ST8SIA6: variants seen among roughly 807,000 people sequenced by gnomAD.
ST8SIA6 encodes alpha-2,8-sialyltransferase 8F.
In ST8SIA6, 39 loss-of-function variants were observed where a neutral mutation model predicts 33.6. That is an observed-to-expected ratio of 1.16 (90% confidence interval 0.90 to 1.52). The LOEUF is 1.52. Ranked by LOEUF, ST8SIA6 falls within the 40% of genes most tolerant of loss-of-function variation. The probability of loss-of-function intolerance (pLI) is 0.00; values close to 1 mark genes in which losing one functional copy is unlikely to be tolerated. For missense variants in ST8SIA6, 441 were observed against 443.8 expected (o/e 0.99, Z 0.06); for synonymous variants, 172 against 167.2 (o/e 1.03, Z -0.22).
In ST8SIA6 at chr10:17,431,454, A is replaced by AG. The variant is rs45551632; in HGVS notation, c.200+22104dup. Among the ~76,000 whole-genome samples the AG allele has an allele frequency of 8.0e-3, 1,213 of 151,956 alleles. 10 individuals carry two copies. The highest frequency in any genetic ancestry group is 0.028 in the African/African-American group (1,150 of 41,424). ...TTTAGTGAATAAAAGTTTCGTTTTA[A>AG]GGGGGGGGAAAGGGTGTGACTGTAA... On this transcript the variant is annotated intron_variant, in intron 2 of 7. Transcript: ENST00000377602.
At chr10:17,356,181 A>AT (rs1057297320) in intron 4 of ST8SIA6, among the ~76,000 whole-genome samples, 13 of 151,186 alleles carry the variant, frequency 8.6e-5, no homozygotes, top group Non-Finnish European at 1.3e-4. Context: ...TTTCTTTAAT[A>AT]TTTTTTTTTG....
chr10:17,390,493 G>T, intron 3 of ST8SIA6, 38 bp downstream of exon 3: 1 of 1,514,816 alleles, frequency 6.6e-7, no homozygotes, highest in Non-Finnish European at 9.1e-7. Context: ...TAAAACCCTT[G>T]TTGTAAAAGG....
intron 6 of ST8SIA6, among the ~76,000 whole-genome samples, chr10:17,324,903 TATATATAATATGTA>T (rs1848074656): frequency 6.8e-6 from 1 of 146,182 alleles, no homozygotes; most frequent in Non-Finnish European, 1.5e-5. Flanking sequence ...ATATAACATG[TATATATAATATGTA>T]ATATATAATA....
At chr10:17,331,622 G>T in intron 4 of ST8SIA6, 70 bp from the exon 5 acceptor site, 2 of 1,445,712 alleles carry the variant, frequency 1.4e-6, no homozygotes, top group Non-Finnish European at 1.8e-6. Flanking sequence ...GACCACGATG[G>T]ACAATGCCGA....
intron 2 of ST8SIA6, among the ~76,000 whole-genome samples, chr10:17,428,665 G>A (rs2071573819): frequency 6.6e-6 from 1 of 151,948 alleles, no homozygotes; most frequent in Non-Finnish European, 1.5e-5. Context: ...AGAAGGAACA[G>A]CAAGTAAAAG....
intron 4 of ST8SIA6, among the ~76,000 whole-genome samples, chr10:17,332,894 A>G (rs1376697831): frequency 6.6e-6 from 1 of 151,860 alleles, no homozygotes; most frequent in Non-Finnish European, 1.5e-5. Context: ...TCCTTTGTCC[A>G]CTTTTTGGTG....
chr10:17,357,318 A>G (rs1352886659), intron 4 of ST8SIA6, among the ~76,000 whole-genome samples: 1 of 133,752 alleles, frequency 7.5e-6, no homozygotes, highest in Non-Finnish European at 1.6e-5. Context: ...TTGTATTTTT[A>G]GTAGAGACGG....
intron 2 of ST8SIA6, among the ~76,000 whole-genome samples, chr10:17,426,038 G>T (rs1342629781): frequency 1.4e-5 from 2 of 147,656 alleles, no homozygotes; most frequent in African/African-American, 5.2e-5. Context: ...GGGTTCAGTT[G>T]CCTGCCACCC....
At chr10:17,428,083 T>C (rs992682592) in intron 2 of ST8SIA6, among the ~76,000 whole-genome samples, 4 of 152,234 alleles carry the variant, frequency 2.6e-5, no homozygotes, top group Non-Finnish European at 5.9e-5. Flanking sequence ...CCTGTTAACT[T>C]TTAGTCTTAT....
chr10:17,378,580 A>G (rs1488025385), intron 3 of ST8SIA6, among the ~76,000 whole-genome samples: 1 of 152,156 alleles, frequency 6.6e-6, no homozygotes, highest in Non-Finnish European at 1.5e-5. Flanking sequence ...CCCTCAGGAA[A>G]AGCTTCATAA....
chr10:17,318,797 C>T lies in ST8SIA6; in HGVS notation c.*2081G>A. The T allele has an allele frequency of 2.2e-6, 1 of 461,112 alleles. No individual in the cohort carries two copies. Among genetic ancestry groups the T allele is most frequent in the South Asian group, 1.6e-5 (1 of 62,780 alleles). The allele number at this position is 461,112 out of a possible 1,614,324, so 28.6% of individuals were successfully genotyped here. ...AAAAAGAACTGTGACTTACGTTTTA[C>T]AGTTTACATAGCTGACATGCTGTAT... is the stretch of plus-strand genomic sequence containing the variant. On this transcript the variant is annotated 3_prime_UTR_variant, in exon 8 of 8. Coordinates refer to ENST00000377602, the MANE Select transcript of ST8SIA6 (RefSeq NM_001004470.3).
At chr10:17,437,964 C>T (rs116304152) in intron 2 of ST8SIA6, among the ~76,000 whole-genome samples, 17 of 151,854 alleles carry the variant, frequency 1.1e-4, no homozygotes, top group African/African-American at 3.4e-4. Flanking sequence ...CTCCTGACTT[C>T]GTGATTCATC....
rs1852405441 is a variant in ST8SIA6 at position 17,439,756 on chromosome 10, TAG to T, written c.200+13801_200+13802del. ...TACCCCCACTTCCCACGTGTCAATT[TAG>T]AGACTCCCAGGCCAACGGCATGTGA... On this transcript the variant is annotated intron_variant, in intron 2 of 7. Coordinates refer to ENST00000377602, the MANE Select transcript of ST8SIA6 (RefSeq NM_001004470.3). Among the ~76,000 whole-genome samples, 3 of 152,286 alleles carry T rather than the reference TAG, an allele frequency of 2.0e-5. No homozygotes were observed. In the South Asian group the frequency reaches 6.2e-4, roughly 32 times the overall value.
intron 2 of ST8SIA6, among the ~76,000 whole-genome samples, chr10:17,429,948 A>G (rs1047328778): frequency 6.6e-6 from 1 of 152,002 alleles, no homozygotes; most frequent in African/African-American, 2.4e-5. Flanking sequence ...TTTTTGTTAC[A>G]TGGATGAATT....
chr10:17,398,222 G>C (rs889069967), intron 2 of ST8SIA6, among the ~76,000 whole-genome samples: 2 of 152,104 alleles, frequency 1.3e-5, no homozygotes, highest in African/African-American at 4.8e-5. Context: ...AGCTACTCAG[G>C]AGGCTGAGGC....
At chr10:17,357,399 G>C (rs1849235114) in intron 4 of ST8SIA6, among the ~76,000 whole-genome samples, 1 of 151,494 alleles carries the variant, frequency 6.6e-6, no homozygotes, top group South Asian at 2.1e-4. Flanking sequence ...GCCTCCCAAA[G>C]TGCTGGGATT....
chr10:17,359,516 A>G lies in ST8SIA6; in HGVS notation c.375T>C (p.Phe125=), dbSNP rs780202958. ...ATATTATTTATGAAAAAAATTACCT[A>G]AAATTTGCATATTCTTCTGCTTGCC... ...WKRQAEEYAN[F]RAKLASCCDA... is the part of the protein sequence containing the mutation. The change falls in exon 4 of 8, where the codon TTT becomes TTC. Residue 125 remains phenylalanine (F), a splice_region_variant and synonymous_variant. Coordinates refer to ENST00000377602, the MANE Select transcript of ST8SIA6 (RefSeq NM_001004470.3). 15 of 1,595,864 alleles carry G rather than the reference A, an allele frequency of 9.4e-6. No individual in the cohort carries two copies. In the East Asian group the frequency reaches 3.2e-4, roughly 34 times the overall value.
At chr10:17,422,341 C>G (rs1260198411) in intron 2 of ST8SIA6, among the ~76,000 whole-genome samples, 1 of 152,200 alleles carries the variant, frequency 6.6e-6, no homozygotes, top group Non-Finnish European at 1.5e-5. Flanking sequence ...CACCTCCCCC[C>G]TCCCACAAGT....
intron 3 of ST8SIA6, among the ~76,000 whole-genome samples, chr10:17,362,515 G>C (rs1488133428): frequency 6.6e-6 from 1 of 152,244 alleles, no homozygotes; most frequent in East Asian, 1.9e-4. Context: ...GGATAGCTAA[G>C]ATGCTACTTC....
Sources: allele counts gnomAD v4.1 joint callset (sites outside exome capture counted in the v4.1 genomes callset), GRCh38; gene constraint gnomAD v4.1.1; transcripts MANE v1.5; gene names NCBI Gene and HGNC (gene_info 2026-07-23, HGNC 2026-07-21).